The following ZBTB46 variants were observed in gnomAD, a reference collection of about 807,000 sequenced individuals.
ZBTB46 encodes the protein zinc finger and BTB domain-containing protein 46.
A neutral mutation model predicts 44.1 loss-of-function variants in ZBTB46; 8 were observed. That is an observed-to-expected ratio of 0.18 (90% CI 0.11 to 0.33). ZBTB46 has a LOEUF of 0.33. ZBTB46 is among the 10% of genes least tolerant of loss of function. The pLI is 1.00. For synonymous variants in ZBTB46, 409 were observed against 382.3 expected (o/e 1.07, Z -0.81); for missense variants, 651 against 847.7 (o/e 0.77, Z 2.88).
In ZBTB46 at chr20:63,790,526, C is replaced by T. The variant is rs201899346; in HGVS notation, c.232G>A (p.Val78Ile). 32 of 1,612,696 alleles carry T rather than the reference C, an allele frequency of 2.0e-5. No individual in the cohort carries two copies. The Admixed American group carries it at 2.7e-4, about 13-fold the overall frequency. Residue 78 changes from valine (V) to isoleucine (I), a missense_variant, in exon 2 of 5, where the codon GTC (valine) becomes ATC (isoleucine). By Grantham distance (29) the Val-to-Ile change is conservative (BLOSUM62 3). Around this residue, in one of 5 missense-constraint regions of ZBTB46, gnomAD observed 65 missense variants for 167.9 expected, o/e 0.39. Coordinates refer to ENST00000245663, the MANE Select transcript of ZBTB46 (RefSeq NM_001369741.1). The stretch of plus-strand genomic sequence containing the variant: ...ATGGCCTTGAAGCCCTGGGCCGTGA[C>T]GATGTCCAGGTGCGTGACCGTGGCC... ...EQATVTHLDIVTAQGFKAIID... is the reference protein window; with the variant it reads ...EQATVTHLDIITAQGFKAIID...
intron 1 of ZBTB46, among the ~76,000 whole-genome samples, chr20:63,799,867 C>G (rs919905765): frequency 6.6e-6 from 1 of 152,126 alleles, no homozygotes; most frequent in Non-Finnish European, 1.5e-5. Context: ...CTGCTGAGGG[C>G]ACATGGAACG....
rs1010425895 is a variant in ZBTB46 at position 63,809,309 on chromosome 20, A to G, written c.-33-18519T>C. ...CCTCATGGCCGCGTCTATTCCAGGA[A>G]TGGGGTCCTGGGGTTCGGCACAGGC... On this transcript the variant is annotated intron_variant, in intron 1 of 4. Coordinates refer to ENST00000245663, the MANE Select transcript of ZBTB46 (RefSeq NM_001369741.1). Among the ~76,000 whole-genome samples, 226 of 152,172 alleles carry G rather than the reference A, an allele frequency of 1.5e-3. 2 individuals are homozygous for G. The highest frequency in any genetic ancestry group is 1.9e-3 in the Non-Finnish European group (128 of 68,010).
chr20:63,744,486 A>G lies in ZBTB46; in HGVS notation c.*2444T>C, dbSNP rs2092069524. The G allele has an allele frequency of 6.6e-6, 1 of 151,150 alleles. No homozygotes were observed. The highest frequency in any genetic ancestry group is 1.5e-5 in the Non-Finnish European group (1 of 67,672). 9.4% of individuals were successfully genotyped at this position (151,150 alleles called of 1,614,324 possible). A position where few individuals can be genotyped will look rare whatever the true frequency, so the allele number is the denominator to read the frequency against. Reference sequence around the variant, plus strand: ...AACACCAAAATACAAACAGACACAAACAAAAATACAAAATGTGAAATGTAA... The same window carrying G: ...AACACCAAAATACAAACAGACACAAGCAAAAATACAAAATGTGAAATGTAA... On this transcript the variant is annotated 3_prime_UTR_variant, in exon 5 of 5. Coordinates refer to ENST00000245663, the MANE Select transcript of ZBTB46 (RefSeq NM_001369741.1).
intron 1 of ZBTB46, among the ~76,000 whole-genome samples, chr20:63,822,931 CG>C (rs1348305983): frequency 6.4e-5 from 7 of 109,644 alleles, no homozygotes; most frequent in Non-Finnish European, 1.1e-4. Flanking sequence ...GAAGCCGAGA[CG>C]GGTGGATCAC....
intron 3 of ZBTB46, 29 bp downstream of exon 3, chr20:63,775,649 G>A (rs1427713691): frequency 1.3e-6 from 2 of 1,528,020 alleles, no homozygotes; most frequent in African/African-American, 2.8e-5. Flanking sequence ...CCACACCAAA[G>A]CCAAGCGGCC....
Position 63,747,310 on chromosome 20 carries a change from G to T in ZBTB46, c.1399-9C>A. ...TTGTCCTTGCTGTGGACCTGCAGAG[G>T]CAGGGCAGGGGGTGAGCAGGGCCTG... On this transcript the variant is annotated splice_polypyrimidine_tract_variant and intron_variant, in intron 4 of 4. Transcript: ENST00000245663. 2.1e-6 allele frequency: 3 copies of T among 1,462,870 alleles called. No homozygotes were observed. The South Asian group carries it at 4.2e-5, about 20-fold the overall frequency. 90.6% of individuals were successfully genotyped at this position (1,462,870 alleles called of 1,614,324 possible).
intron 1 of ZBTB46, among the ~76,000 whole-genome samples, chr20:63,801,459 T>C (rs978797766): frequency 6.6e-6 from 1 of 152,204 alleles, no homozygotes; most frequent in African/African-American, 2.4e-5. Context: ...CAGCAAGATG[T>C]GGGTGGGGCC....
Position 63,744,685 on chromosome 20 carries a change from C to A in ZBTB46, c.*2245G>T, listed in dbSNP as rs944020865. 1.3e-5 allele frequency: 2 copies of A among 152,388 alleles called. No individual in the cohort carries two copies. The highest frequency in any genetic ancestry group is 2.9e-5 in the Non-Finnish European group (2 of 68,052). The allele number at this position is 152,388 out of a possible 1,614,324, so 9.4% of individuals were successfully genotyped here. A position where few individuals can be genotyped will look rare whatever the true frequency, so the allele number is the denominator to read the frequency against. On this transcript the variant is annotated 3_prime_UTR_variant, in exon 5 of 5. Transcript: ENST00000245663. ...CCCACACTCTTCAGTCGGCAAACTGCGAACAAGAACAGGAAATCTGCCACG... is the reference window on the plus strand; with the variant it reads ...CCCACACTCTTCAGTCGGCAAACTGAGAACAAGAACAGGAAATCTGCCACG...
intron 2 of ZBTB46, 56 bp downstream of exon 2, chr20:63,789,765 C>T (rs6122032): frequency 1.7e-5 from 26 of 1,552,592 alleles, no homozygotes; most frequent in Admixed American, 3.5e-5. Context: ...AGCACGCGGC[C>T]GTGAGGCCTG....
At chr20:63,748,092 C>CCT (rs73625081) in intron 4 of ZBTB46, among the ~76,000 whole-genome samples, 24,507 of 150,696 alleles carry the variant, frequency 0.16, 2,682 homozygotes, top group East Asian at 0.58. Flanking sequence ...CCCCTCAGCC[C>CCT]GACCCTGACT....
intron 1 of ZBTB46, among the ~76,000 whole-genome samples, chr20:63,822,319 G>A (rs527750382): frequency 6.6e-6 from 1 of 152,190 alleles, no homozygotes; most frequent in Non-Finnish European, 1.5e-5. Flanking sequence ...TCACCCACCA[G>A]CACACCCATG....
Position 63,797,343 on chromosome 20 carries a change from T to C in ZBTB46, c.-33-6553A>G, listed in dbSNP as rs2092611481. 1.3e-5 allele frequency among the ~76,000 whole-genome samples: 2 copies of C among 152,172 alleles called. 1 individual carries two copies. The highest frequency in any genetic ancestry group is 4.2e-4 in the South Asian group (2 of 4,812). On this transcript the variant is annotated intron_variant, in intron 1 of 4. Coordinates refer to ENST00000245663, the MANE Select transcript of ZBTB46 (RefSeq NM_001369741.1). ...CAAAGGACATGAACGCATCCTTTTT[T>C]ATGGCTGCATAGTATTCTATGGTGT... is the stretch of plus-strand genomic sequence containing the variant.
At position 63,786,873 on chromosome 20, in the gene ZBTB46, G is replaced by T. The variant is rs571700190; in HGVS notation, c.937+2948C>A. On this transcript the variant is annotated intron_variant, in intron 2 of 4. Coordinates refer to ENST00000245663, the MANE Select transcript of ZBTB46 (RefSeq NM_001369741.1). ...TTGCCCAGGATAGTCCCAAACTCCTGGCCTCAAGGGATCCTCATGCCTCGG... is the reference window on the plus strand; with the variant it reads ...TTGCCCAGGATAGTCCCAAACTCCTTGCCTCAAGGGATCCTCATGCCTCGG... 7.2e-5 allele frequency among the ~76,000 whole-genome samples: 11 copies of T among 152,224 alleles called. 1 individual carries two copies. In the South Asian group the frequency reaches 2.3e-3, roughly 32 times the overall value.
rs536103790 is a variant in ZBTB46 at position 63,779,520 on chromosome 20, C to T, written c.938-3558G>A. Among the ~76,000 whole-genome samples the T allele has an allele frequency of 6.1e-5, 9 of 148,340 alleles. No individual in the cohort carries two copies. The Admixed American group carries it at 6.2e-4, about 10-fold the overall frequency. Reference sequence around the variant, plus strand: ...CTGCAAGCTCCGCCTCCCAGGTTCACGCCATTCTCCTGCCTCAGCCTCCTG... The same window carrying T: ...CTGCAAGCTCCGCCTCCCAGGTTCATGCCATTCTCCTGCCTCAGCCTCCTG... On this transcript the variant is annotated intron_variant, in intron 2 of 4. Coordinates refer to ENST00000245663, the MANE Select transcript of ZBTB46 (RefSeq NM_001369741.1).
At chr20:63,750,176 G>A (rs1223049523) in intron 4 of ZBTB46, among the ~76,000 whole-genome samples, 1 of 152,214 alleles carries the variant, frequency 6.6e-6, no homozygotes, top group Non-Finnish European at 1.5e-5. Context: ...ACGCTCTCAG[G>A]TCCAGGACCC....
intron 1 of ZBTB46, among the ~76,000 whole-genome samples, chr20:63,824,544 C>T (rs1012002689): frequency 3.3e-5 from 5 of 152,106 alleles, no homozygotes; most frequent in Admixed American, 6.5e-5. Flanking sequence ...TTCCTGAAAG[C>T]TCAGGGTCTG....
Position 63,764,072 on chromosome 20 carries a change from G to A in ZBTB46, c.1223-11211C>T, listed in dbSNP as rs960469281. Among the ~76,000 whole-genome samples the A allele has an allele frequency of 1.2e-4, 18 of 151,674 alleles. No individual in the cohort carries two copies. In the East Asian group the frequency reaches 2.9e-3, roughly 25 times the overall value. ...CAGCCTCGACCTCCTGGGCTCAAGC[G>A]ATCCTCCCACCTCAGCCTCCCAAGT... On this transcript the variant is annotated intron_variant, in intron 3 of 4. Coordinates refer to ENST00000245663, the MANE Select transcript of ZBTB46 (RefSeq NM_001369741.1).
rs1452539793 is a variant in ZBTB46 at position 63,752,174 on chromosome 20, T to C, written c.1398+512A>G. Reference sequence around the variant, plus strand: ...CCACTTGAGATGCCCTCGCCAGGCCTTTTTTGGCAAATCTGCCTCCCTGTT... The same window carrying C: ...CCACTTGAGATGCCCTCGCCAGGCCCTTTTTGGCAAATCTGCCTCCCTGTT... On this transcript the variant is annotated intron_variant, in intron 4 of 4. Coordinates refer to ENST00000245663, the MANE Select transcript of ZBTB46 (RefSeq NM_001369741.1). The surrounding 1 kb of genome is among the most constrained non-coding windows in gnomAD (Gnocchi z 5.6). 1.8e-4 allele frequency among the ~76,000 whole-genome samples: 27 copies of C among 152,132 alleles called. No individual in the cohort carries two copies. Among genetic ancestry groups the C allele is most frequent in the Non-Finnish European group, 2.1e-4 (14 of 68,008 alleles).
At position 63,817,138 on chromosome 20, in the gene ZBTB46, G is replaced by A. The variant is rs563386556; in HGVS notation, c.-34+13959C>T. ...AAAAGAAAAGAAAAGAAAAGGAAAG[G>A]GCCAGATGTGGTGGCTCATGCCTGT... On this transcript the variant is annotated intron_variant, in intron 1 of 4. Coordinates refer to ENST00000245663, the MANE Select transcript of ZBTB46 (RefSeq NM_001369741.1). Among the ~76,000 whole-genome samples the A allele has an allele frequency of 3.9e-5, 6 of 152,074 alleles. No individual in the cohort carries two copies. In the South Asian group the frequency reaches 1.2e-3, roughly 32 times the overall value.
Sources: gnomAD v4.1 joint callset for allele counts (sites outside exome capture counted in the v4.1 genomes callset) on GRCh38, gnomAD v4.1.1 for gene constraint, gnomAD v4.1.1 regional missense constraint, Gnocchi (gnomAD v3.1) non-coding constraint, MANE v1.5 for transcripts, NCBI Gene and HGNC (gene_info 2026-07-23, HGNC 2026-07-21) for gene names.